CDKAL1: variants seen among roughly 807,000 people sequenced by gnomAD.
The protein encoded by CDKAL1 is threonylcarbamoyladenosine tRNA methylthiotransferase.
CDKAL1 carries 32 observed loss-of-function variants against 68.2 expected under a neutral mutation model. The observed-to-expected ratio is 0.47, with a 90% CI of 0.35 to 0.63. The LOEUF is 0.63. Ranked by LOEUF, CDKAL1 falls within the 30% of genes least tolerant of loss-of-function variation. CDKAL1 has a pLI of 0.00. For missense variants in CDKAL1, 606 were observed against 696.7 expected (o/e 0.87, Z 1.47); for synonymous variants, 234 against 244.3 (o/e 0.96, Z 0.39).
intron 13 of CDKAL1, among the ~76,000 whole-genome samples, chr6:21,162,040 C>T (rs976266760): frequency 5.9e-5 from 9 of 152,104 alleles, no homozygotes; most frequent in African/African-American, 2.2e-4. Context: ...TTAATTTATG[C>T]CGATATTTTC....
At chr6:20,992,578 T>C (rs1351091233) in intron 10 of CDKAL1, among the ~76,000 whole-genome samples, 2 of 152,132 alleles carry the variant, frequency 1.3e-5, no homozygotes, top group African/African-American at 4.8e-5. Context: ...AATTCTAAAT[T>C]CCCATGTTTT....
At chr6:20,554,257 T>C (rs1192309618) in intron 4 of CDKAL1, among the ~76,000 whole-genome samples, 1 of 152,250 alleles carries the variant, frequency 6.6e-6, no homozygotes, top group Non-Finnish European at 1.5e-5. Context: ...GTGATATAAT[T>C]AGATTAGTAT....
chr6:20,919,625 A>G (rs566080714), intron 9 of CDKAL1, among the ~76,000 whole-genome samples: 33 of 152,298 alleles, frequency 2.2e-4, no homozygotes, highest in Admixed American at 2.0e-3. Context: ...AGCTTCATCC[A>G]TGTCCCTGCA....
intron 4 of CDKAL1, among the ~76,000 whole-genome samples, chr6:20,580,268 G>A (rs1346370802): frequency 6.6e-6 from 1 of 152,170 alleles, no homozygotes; most frequent in Non-Finnish European, 1.5e-5. Flanking sequence ...ACATTCAGTA[G>A]TTTGTTATGA....
At chr6:21,191,760 TA>T (rs35944981) in intron 13 of CDKAL1, among the ~76,000 whole-genome samples, 64,090 of 140,526 alleles carry the variant, frequency 0.46, 14,433 homozygotes, top group African/African-American at 0.53. Context: ...TGGTTTTCAT[TA>T]AAAAAAAAAA....
intron 4 of CDKAL1, among the ~76,000 whole-genome samples, chr6:20,648,858 A>G (rs1346867713): frequency 1.3e-5 from 2 of 152,220 alleles, no homozygotes; most frequent in Admixed American, 6.5e-5. Context: ...GTAAATCATT[A>G]ATTTTTAAGG....
In CDKAL1 at chr6:20,649,311, A is replaced by C; in HGVS notation, c.305A>C (p.Asp102Ala). ...TTAATAGAAAATGCATCCGATGCAG[A>C]TTTATGGCTCCTGAACAGTTGCACT... ...YKITENASDA[D>A]LWLLNSCTVK... Residue 102 changes from aspartate to alanine, a missense_variant, in exon 5 of 16, where the codon GAT (aspartate) becomes GCT (alanine). Transcript: ENST00000274695. 1 of 1,608,116 alleles carries C rather than the reference A, an allele frequency of 6.2e-7. No homozygotes were observed. Among genetic ancestry groups the C allele is most frequent in the Non-Finnish European group, 8.5e-7 (1 of 1,178,076 alleles).
chr6:20,908,059 C>T (rs917006247), intron 9 of CDKAL1, among the ~76,000 whole-genome samples: 1 of 152,144 alleles, frequency 6.6e-6, no homozygotes, highest in East Asian at 1.9e-4. Flanking sequence ...CAGATTTCTT[C>T]TAGGGCCAGT....
intron 15 of CDKAL1, among the ~76,000 whole-genome samples, chr6:21,226,061 TAG>T (rs1779727689): frequency 6.6e-6 from 1 of 152,182 alleles, no homozygotes; most frequent in African/African-American, 2.4e-5. Flanking sequence ...GAGCTGGGAT[TAG>T]AGCCCAGAGC....
chr6:20,745,623 A>G (rs533405831), intron 6 of CDKAL1, among the ~76,000 whole-genome samples: 4 of 152,266 alleles, frequency 2.6e-5, no homozygotes, highest in East Asian at 3.9e-4. Context: ...AAAATGTAGT[A>G]TATCATAGTG....
At chr6:20,917,942 C>G (rs1355050087) in intron 9 of CDKAL1, among the ~76,000 whole-genome samples, 1 of 152,098 alleles carries the variant, frequency 6.6e-6, no homozygotes, top group Non-Finnish European at 1.5e-5. Flanking sequence ...GCCTAAGACT[C>G]TACTAAAAAT....
intron 5 of CDKAL1, among the ~76,000 whole-genome samples, chr6:20,677,714 C>T (rs185359337): frequency 8.5e-5 from 13 of 152,158 alleles, no homozygotes; most frequent in Non-Finnish European, 1.6e-4. Flanking sequence ...CCATGCATGG[C>T]GAGAGCTAAG....
chr6:20,585,484 C>A (rs563195839), intron 4 of CDKAL1, among the ~76,000 whole-genome samples: 2 of 152,310 alleles, frequency 1.3e-5, no homozygotes, highest in African/African-American at 4.8e-5. Context: ...GCTTCTCTTT[C>A]TGTTTCTAGT....
chr6:21,023,612 G>T (rs1768802189), intron 11 of CDKAL1, among the ~76,000 whole-genome samples: 2 of 152,010 alleles, frequency 1.3e-5, no homozygotes, highest in Admixed American at 1.3e-4. Flanking sequence ...ATCATTAAAT[G>T]ATATGCTTCT....
At chr6:21,031,368 G>A (rs1582063378) in intron 11 of CDKAL1, among the ~76,000 whole-genome samples, 1 of 151,308 alleles carries the variant, frequency 6.6e-6, no homozygotes, top group South Asian at 2.1e-4. Context: ...TTATTAAAGG[G>A]TTCACCTGAT....
chr6:20,652,269 C>T (rs756929690), intron 5 of CDKAL1, among the ~76,000 whole-genome samples: 6 of 152,092 alleles, frequency 3.9e-5, no homozygotes, highest in East Asian at 1.9e-4. Flanking sequence ...GTGTTCTTCT[C>T]GGAGAATCAA....
At chr6:20,667,109 T>C (rs758900073) in intron 5 of CDKAL1, among the ~76,000 whole-genome samples, 1 of 152,210 alleles carries the variant, frequency 6.6e-6, no homozygotes, top group Non-Finnish European at 1.5e-5. Context: ...GAAATAAATA[T>C]ACTTGTCCTG....
intron 5 of CDKAL1, among the ~76,000 whole-genome samples, chr6:20,708,738 T>C (rs1771715218): frequency 6.6e-6 from 1 of 152,222 alleles, no homozygotes; most frequent in African/African-American, 2.4e-5. Context: ...TATGTGTGCA[T>C]GTGTCTGATG....
At position 20,545,339 on chromosome 6, in the gene CDKAL1, A is replaced by ATTTT. The variant is rs562230348; in HGVS notation, c.-5-1007_-5-1006insTTTT. ...CACATTTTCTTCTTTTAATTATAAA[A>ATTTT]ATTTTGAATATTTAGAAAAGTCGTA... On this transcript the variant is annotated intron_variant, in intron 2 of 15. Coordinates refer to ENST00000274695, the MANE Select transcript of CDKAL1 (RefSeq NM_017774.3). Among the ~76,000 whole-genome samples the ATTTT allele has an allele frequency of 3.7e-3, 557 of 151,778 alleles. 2 individuals carry two copies. Among genetic ancestry groups the ATTTT allele is most frequent in the African/African-American group, 0.013 (519 of 41,112 alleles).
Sources: allele counts gnomAD v4.1 joint callset (sites outside exome capture counted in the v4.1 genomes callset), GRCh38; gene constraint gnomAD v4.1.1; transcripts MANE v1.5; gene names NCBI Gene and HGNC (gene_info 2026-07-23, HGNC 2026-07-21).